Variants in NXPE2 observed in about 807,000 individuals in gnomAD.
The protein encoded by NXPE2 is NXPE family member 2.
A neutral mutation model predicts 34.4 loss-of-function variants in NXPE2; 34 were observed. The observed-to-expected ratio is 0.99, with a 90% confidence interval of 0.75 to 1.31. The LOEUF is 1.31. Among genes scored for constraint, NXPE2 ranks in the 40% most tolerant of loss-of-function variants. NXPE2 has a pLI of 0.00. For synonymous variants in NXPE2, 235 were observed against 231.3 expected, an observed-to-expected ratio of 1.02 and a Z score of -0.15; for missense variants, 649 against 672.5, an observed-to-expected ratio of 0.97 and a Z score of 0.39.
the NXPE2 span, among the ~76,000 whole-genome samples, chr11:114,753,975 C>T: frequency 0.039 from 5,523 of 139,962 alleles, 344 homozygotes; most frequent in African/African-American, 0.13. Flanking sequence ...GGGCATTTGT[C>T]CATGTGCCAC....
chr11:114,618,885 C>T, the NXPE2 span, among the ~76,000 whole-genome samples: 4 of 151,996 alleles, frequency 2.6e-5, no homozygotes, highest in African/African-American at 7.2e-5. Flanking sequence ...TGGGTCACCA[C>T]TGTTACCCGG....
chr11:114,621,688 G>T, the NXPE2 span, among the ~76,000 whole-genome samples: 1 of 152,064 alleles, frequency 6.6e-6, no homozygotes, highest in South Asian at 2.1e-4. Flanking sequence ...ATGCCTCATT[G>T]GTAACCACTG....
rs1951299553 is a variant in NXPE2, at chr11:114,698,347, T to C, written c.435T>C (p.Tyr145=). Reference sequence around the variant, plus strand: ...ACCACTTGGGACACAGGAAGCAATATGGTGGGGATTTCCTGAGGGCCAGGA... The same window carrying C: ...ACCACTTGGGACACAGGAAGCAATACGGTGGGGATTTCCTGAGGGCCAGGA... The part of the protein sequence containing the change: ...VRDHLGHRKQ[Y]GGDFLRARMY... The change falls in exon 3 of 6, where the codon TAT becomes TAC. Residue 145 remains tyrosine, a synonymous_variant. Transcript: ENST00000389586. The C allele has an allele frequency of 1.2e-6, 2 of 1,613,934 alleles. No homozygotes were observed. Among genetic ancestry groups the C allele is most frequent in the Non-Finnish European group, 1.7e-6 (2 of 1,179,924 alleles).
chr11:114,707,647 T>C (rs1208683139), downstream of NXPE2: 1 of 165,896 alleles, frequency 6.0e-6, no homozygotes, highest in African/African-American at 2.4e-5. Context: ...CTGGCACATT[T>C]TTAACATTCC....
chr11:114,519,968 T>TCGCCTCCCGGGTTCACGCTCTTCTCC, the NXPE2 span, among the ~76,000 whole-genome samples: 2 of 117,324 alleles, frequency 1.7e-5, no homozygotes, highest in Middle Eastern at 4.1e-3. Flanking sequence ...CTCGGCGAGC[T>TCGCCTCCCGGGTTCACGCTCTTCTCC]TGCCCGCTAA....
At chr11:114,506,545 T>C in the NXPE2 span, among the ~76,000 whole-genome samples, 1 of 152,030 alleles carries the variant, frequency 6.6e-6, no homozygotes, top group Non-Finnish European at 1.5e-5. Context: ...TTGGACCACA[T>C]CACAATCAAA....
downstream of NXPE2, among the ~76,000 whole-genome samples, chr11:114,707,127 T>C (rs1951493478): frequency 6.6e-6 from 1 of 152,242 alleles, no homozygotes; most frequent in Admixed American, 6.5e-5. Context: ...GTTTTGCTCC[T>C]GTTGCCCAGA....
At chr11:114,660,481 A>T in the NXPE2 span, among the ~76,000 whole-genome samples, 3 of 152,062 alleles carry the variant, frequency 2.0e-5, no homozygotes, top group Non-Finnish European at 2.9e-5. Flanking sequence ...AATCAAAGTA[A>T]TCACCATATC....
chr11:114,747,076 T>C, the NXPE2 span, among the ~76,000 whole-genome samples: 1 of 152,194 alleles, frequency 6.6e-6, no homozygotes, highest in East Asian at 1.9e-4. Flanking sequence ...CTTTGATCTC[T>C]AATCAGATAC....
At chr11:114,576,788 A>G in the NXPE2 span, among the ~76,000 whole-genome samples, 2 of 151,946 alleles carry the variant, frequency 1.3e-5, no homozygotes, top group African/African-American at 2.4e-5. Flanking sequence ...GAGATTCCTT[A>G]AAGAACTAAA....
the NXPE2 span, among the ~76,000 whole-genome samples, chr11:114,654,799 A>G: frequency 6.6e-6 from 1 of 152,160 alleles, no homozygotes; most frequent in Non-Finnish European, 1.5e-5. Flanking sequence ...ATGTGTCTTT[A>G]TAGTAGAATG....
chr11:114,796,260 TGTA>T, the NXPE2 span, among the ~76,000 whole-genome samples: 1 of 152,158 alleles, frequency 6.6e-6, no homozygotes, highest in African/African-American at 2.4e-5. Context: ...GGTCTGGGCT[TGTA>T]GTATAAATCT....
At chr11:114,523,137 A>G in the NXPE2 span, 3 of 1,361,868 alleles carry the variant, frequency 2.2e-6, no homozygotes, top group Non-Finnish European at 3.1e-6. Flanking sequence ...CAAAACTTAG[A>G]CATCTAGCCT....
the NXPE2 span, among the ~76,000 whole-genome samples, chr11:114,575,320 T>C: frequency 6.6e-6 from 1 of 152,020 alleles, no homozygotes; most frequent in African/African-American, 2.4e-5. Flanking sequence ...ATCTTCAACA[T>C]AGTACTGGAA....
chr11:114,662,182 AC>A, the NXPE2 span, among the ~76,000 whole-genome samples: 1 of 151,976 alleles, frequency 6.6e-6, no homozygotes, highest in Non-Finnish European at 1.5e-5. Flanking sequence ...CCCACCATCA[AC>A]CCCCAGCATT....
the NXPE2 span, among the ~76,000 whole-genome samples, chr11:114,731,044 CTG>C: frequency 0.32 from 48,692 of 151,712 alleles, 7,818 homozygotes; most frequent in East Asian, 0.42. Flanking sequence ...TCATAGATGG[CTG>C]TTATTATTTT....
chr11:114,634,019 A>G, the NXPE2 span, among the ~76,000 whole-genome samples: 1 of 151,836 alleles, frequency 6.6e-6, no homozygotes, highest in Non-Finnish European at 1.5e-5. Context: ...CTAGTTCTAG[A>G]TCCCTGAGGA....
the NXPE2 span, chr11:114,551,059 G>T: frequency 9.3e-7 from 1 of 1,071,128 alleles, no homozygotes; most frequent in Non-Finnish European, 1.4e-6. Flanking sequence ...TCACACAGGT[G>T]AGGGCTTACT....
At chr11:114,668,840 C>T in the NXPE2 span, among the ~76,000 whole-genome samples, 1 of 152,006 alleles carries the variant, frequency 6.6e-6, no homozygotes, top group Non-Finnish European at 1.5e-5. Context: ...TGGACAAAAT[C>T]ATCAAAAACA....
Sources: gnomAD v4.1 joint callset for allele counts (sites outside exome capture counted in the v4.1 genomes callset) on GRCh38, gnomAD v4.1.1 for gene constraint, MANE v1.5 for transcripts, NCBI Gene and HGNC (gene_info 2026-07-23, HGNC 2026-07-21) for gene names.